BAZ1A: variants seen among roughly 807,000 people sequenced by gnomAD.
BAZ1A encodes bromodomain adjacent to zinc finger domain 1A.
In BAZ1A, 50 loss-of-function variants were observed where a neutral mutation model predicts 185.2. The ratio of observed to expected loss-of-function variants is 0.27; its 90% CI spans 0.22 to 0.34. BAZ1A has a LOEUF of 0.34. Ranked by LOEUF, BAZ1A falls within the 10% of genes least tolerant of loss-of-function variation. BAZ1A has a pLI of 1.00. For synonymous variants in BAZ1A, 571 were observed against 615.6 expected (o/e 0.93, Z 1.07); for missense variants, 1,356 against 1,839.9 (o/e 0.74, Z 4.81).
chr14:34,871,717 A>G (rs2042951158), intron 2 of BAZ1A, among the ~76,000 whole-genome samples: 1 of 152,234 alleles, frequency 6.6e-6, no homozygotes, highest in Non-Finnish European at 1.5e-5. Context: ...TACTAAAAAT[A>G]CAAAAATTAG....
chr14:34,754,789 A>AG, intron 26 of BAZ1A, 38 bp downstream of exon 26: 1 of 1,429,940 alleles, frequency 7.0e-7, no homozygotes, highest in Non-Finnish European at 9.6e-7. Flanking sequence ...AAAATGCCTT[A>AG]GAAAAATAAA....
Position 34,792,059 on chromosome 14 carries a change from G to A in BAZ1A, c.1510+716C>T, listed in dbSNP as rs1880880987. 2.0e-5 allele frequency among the ~76,000 whole-genome samples: 3 copies of A among 152,268 alleles called. No homozygotes were observed. The South Asian group carries it at 6.2e-4, about 32-fold the overall frequency. On this transcript the variant is annotated intron_variant, in intron 12 of 26. Transcript: ENST00000360310. ...CAGATCTAAAATGAAATCAGCAGTA[G>A]TATTTTCATTTTAAAGTATTAATTA...
At chr14:34,847,276 G>A (rs1308177149) in intron 3 of BAZ1A, among the ~76,000 whole-genome samples, 2 of 151,752 alleles carry the variant, frequency 1.3e-5, no homozygotes, top group African/African-American at 2.4e-5. Context: ...GGGTCATCAG[G>A]GTTTACTGAA....
intron 3 of BAZ1A, among the ~76,000 whole-genome samples, chr14:34,831,556 C>T (rs1200589989): frequency 6.6e-6 from 1 of 152,162 alleles, no homozygotes; most frequent in Non-Finnish European, 1.5e-5. Flanking sequence ...GCACCTTGCC[C>T]ATTCCAGGCT....
intron 25 of BAZ1A, among the ~76,000 whole-genome samples, chr14:34,757,097 G>C (rs1886283274): frequency 6.6e-6 from 1 of 152,176 alleles, no homozygotes; most frequent in Non-Finnish European, 1.5e-5. Flanking sequence ...GGGCACGGTG[G>C]CTCATGCCTG....
At chr14:34,818,172 C>T (rs2042034690) in intron 4 of BAZ1A, among the ~76,000 whole-genome samples, 1 of 152,126 alleles carries the variant, frequency 6.6e-6, no homozygotes, top group Admixed American at 6.5e-5. Flanking sequence ...GAATAAAGTT[C>T]CTGATTGTGC....
Position 34,874,671 on chromosome 14 carries a change from A to C in BAZ1A, c.-58-9T>G. 18 of 1,353,432 alleles carry C rather than the reference A, an allele frequency of 1.3e-5. No homozygotes were observed. The highest frequency in any genetic ancestry group is 1.6e-5 in the Non-Finnish European group (16 of 978,856). The allele number at this position is 1,353,432 out of a possible 1,614,324, so 83.8% of individuals were successfully genotyped here. On this transcript the variant is annotated splice_polypyrimidine_tract_variant and intron_variant, in intron 1 of 26. Transcript: ENST00000360310. This position sits in a 1 kb window ranked among gnomAD's most constrained non-coding sequence, Gnocchi z 4.7. ...GCGCCGGCCCCGCTTCCCTATCAAA[A>C]TTGGAGGGAAAGGAAAGCCGGTAAG...
In BAZ1A at chr14:34,826,163, T is replaced by A; in HGVS notation, c.393-7A>T. ...CAAAATCCTACACTGCAACCTGAAA[T>A]AAAATGATACATTTAAAAATGCAAA... On this transcript the variant is annotated splice_region_variant and splice_polypyrimidine_tract_variant and intron_variant, in intron 3 of 26. Coordinates refer to ENST00000360310, the MANE Select transcript of BAZ1A (RefSeq NM_013448.3). 1 of 1,604,942 alleles carries A rather than the reference T, an allele frequency of 6.2e-7. No individual in the cohort carries two copies. The highest frequency in any genetic ancestry group is 1.1e-5 in the South Asian group (1 of 88,216).
intron 7 of BAZ1A, among the ~76,000 whole-genome samples, chr14:34,802,229 G>C (rs1213701522): frequency 6.6e-6 from 1 of 151,984 alleles, no homozygotes; most frequent in Non-Finnish European, 1.5e-5. Context: ...TTTTTGTTTT[G>C]TTTTGTTTTG....
intron 3 of BAZ1A, among the ~76,000 whole-genome samples, chr14:34,857,088 G>A (rs888505961): frequency 4.1e-5 from 6 of 147,754 alleles, no homozygotes; most frequent in African/African-American, 1.5e-4. Flanking sequence ...CTCACTGCAA[G>A]CTCCGCCTCC....
In BAZ1A at chr14:34,801,343, G is replaced by A. The variant is rs8021608; in HGVS notation, c.862-150C>T. On this transcript the variant is annotated intron_variant, in intron 7 of 26. Coordinates refer to ENST00000360310, the MANE Select transcript of BAZ1A (RefSeq NM_013448.3). ...GTCTCGCTCTATCCCCCAGGCTGGA[G>A]TGCAGTGGTGTGATCTCGGCTCACT... 6.9e-3 allele frequency: 4,099 copies of A among 595,058 alleles called. 158 individuals carry two copies. The African/African-American group carries it at 0.074, about 11-fold the overall frequency. 36.9% of individuals were successfully genotyped at this position (595,058 alleles called of 1,614,324 possible).
intron 12 of BAZ1A, among the ~76,000 whole-genome samples, chr14:34,790,890 C>T (rs761561811): frequency 6.6e-6 from 1 of 151,910 alleles, no homozygotes; most frequent in Non-Finnish European, 1.5e-5. Context: ...TTTGGGAGGC[C>T]GAGGCGGGCA....
chr14:34,853,874 A>G (rs2042634938), intron 3 of BAZ1A, among the ~76,000 whole-genome samples: 1 of 152,202 alleles, frequency 6.6e-6, no homozygotes, highest in African/African-American at 2.4e-5. Context: ...TACCTATACC[A>G]ACTAATTCAA....
At chr14:34,841,638 G>A (rs1298219551) in intron 3 of BAZ1A, among the ~76,000 whole-genome samples, 1 of 152,112 alleles carries the variant, frequency 6.6e-6, no homozygotes, top group Non-Finnish European at 1.5e-5. Context: ...CACCTGCCTC[G>A]GCCTTGCAAA....
intron 4 of BAZ1A, among the ~76,000 whole-genome samples, chr14:34,815,505 C>T (rs2041992930): frequency 6.6e-6 from 1 of 152,126 alleles, no homozygotes; most frequent in African/African-American, 2.4e-5. Flanking sequence ...AAGTGTAGAC[C>T]TGTGTTTAGT....
At position 34,816,020 on chromosome 14, in the gene BAZ1A, G is replaced by A. The variant is rs966811666; in HGVS notation, c.537-4984C>T. On this transcript the variant is annotated intron_variant, in intron 4 of 26. Transcript: ENST00000360310. ...AACGATTAGTCAAGTTATAATGACGGCTAGACTATACTGCATCAAAGTACA... is the reference window on the plus strand; with the variant it reads ...AACGATTAGTCAAGTTATAATGACGACTAGACTATACTGCATCAAAGTACA... 9.3e-5 allele frequency among the ~76,000 whole-genome samples: 14 copies of A among 150,464 alleles called. 1 individual carries two copies. The highest frequency in any genetic ancestry group is 1.3e-4 in the Admixed American group (2 of 15,098).
In BAZ1A at chr14:34,776,132, C is replaced by G; in HGVS notation, c.2620G>C (p.Gly874Arg). ...MSESTSNIDQGPRDHSVQLPK... is the reference protein window; with the variant it reads ...MSESTSNIDQRPRDHSVQLPK... ...AGCTGCACAGAATGGTCACGTGGAC[C>G]TTGGTCAATGTTGGAGGTAGATTCA... is the stretch of plus-strand genomic sequence containing the variant. Residue 874 changes from glycine to arginine, a missense_variant, in exon 18 of 27, where the codon GGT becomes CGT. Around this residue, in one of 7 missense-constraint regions of BAZ1A, gnomAD observed 434 missense variants for 561.7 expected, o/e 0.77. Transcript: ENST00000360310. The G allele has an allele frequency of 6.2e-7, 1 of 1,614,156 alleles. No homozygotes were observed. Among genetic ancestry groups the G allele is most frequent in the Non-Finnish European group, 8.5e-7 (1 of 1,180,028 alleles).
rs1566570711 is a variant in BAZ1A, at chr14:34,802,842, T to C, written c.861+12A>G. 6.2e-7 allele frequency: 1 copy of C among 1,609,086 alleles called. No homozygotes were observed. Among genetic ancestry groups the C allele is most frequent in the East Asian group, 2.2e-5 (1 of 44,858 alleles). ...ACAGTGAAAATGTAGTTTTAATCAA[T>C]TCTGTACTTACTTGACTAATATGTA... On this transcript the variant is annotated intron_variant, in intron 7 of 26. Transcript: ENST00000360310.
At chr14:34,784,770 A>G (rs1435224564) in intron 14 of BAZ1A, among the ~76,000 whole-genome samples, 8 of 151,990 alleles carry the variant, frequency 5.3e-5, no homozygotes, top group African/African-American at 9.7e-5. Flanking sequence ...TGCCCGCCTC[A>G]GCCTCCCAAA....
Sources: allele counts gnomAD v4.1 joint callset (sites outside exome capture counted in the v4.1 genomes callset), GRCh38; gene constraint gnomAD v4.1.1; regional missense constraint gnomAD v4.1.1; non-coding constraint Gnocchi (gnomAD v3.1); transcripts MANE v1.5; gene names NCBI Gene and HGNC (gene_info 2026-07-23, HGNC 2026-07-21).